The following SEC24D variants were observed in gnomAD, a reference collection of about 807,000 sequenced individuals.
The protein encoded by SEC24D is SEC24 homolog D, COPII component.
A neutral mutation model predicts 116.9 loss-of-function variants in SEC24D; 69 were observed. The observed-to-expected ratio is 0.59, with a 90% confidence interval of 0.49 to 0.72. The LOEUF is 0.72. SEC24D is among the 30% of genes least tolerant of loss of function. The probability of loss-of-function intolerance (pLI) is 0.00; values close to 1 mark genes in which losing one functional copy is unlikely to be tolerated. For missense variants in SEC24D, 1,131 were observed against 1,264.1 expected, an observed-to-expected ratio of 0.89 and a Z score of 1.60; for synonymous variants, 405 against 442.8, an observed-to-expected ratio of 0.91 and a Z score of 1.07.
intron 2 of SEC24D, 68 bp from the exon 3 acceptor site, chr4:118,824,817 G>A: frequency 7.1e-7 from 1 of 1,407,702 alleles, no homozygotes; most frequent in Non-Finnish European, 9.5e-7. Flanking sequence ...AAGTCATTAG[G>A]TTAAAAATGA....
At chr4:118,747,471 G>A (rs1255679778) in intron 13 of SEC24D, among the ~76,000 whole-genome samples, 2 of 151,768 alleles carry the variant, frequency 1.3e-5, no homozygotes, top group Non-Finnish European at 2.9e-5. Context: ...TCTCCATGTT[G>A]GTCAGGCTGG....
chr4:118,746,418 G>A (rs1726539521), intron 13 of SEC24D, among the ~76,000 whole-genome samples: 1 of 152,064 alleles, frequency 6.6e-6, no homozygotes, highest in African/African-American at 2.4e-5. Flanking sequence ...ACCTTGTTCA[G>A]CAGGTACTAC....
At position 118,723,461 on chromosome 4, in the gene SEC24D, C is replaced by A; in HGVS notation, c.*54G>T. ...TATTATCATCTAGAAAATTAGGCAC[C>A]AAGAAGGAGATTATCTCCTTGGAAA... On this transcript the variant is annotated 3_prime_UTR_variant, in exon 23 of 23. Transcript: ENST00000280551. The A allele has an allele frequency of 6.5e-7, 1 of 1,542,476 alleles. No homozygotes were observed. Among genetic ancestry groups the A allele is most frequent in the Non-Finnish European group, 8.8e-7 (1 of 1,138,778 alleles).
At position 118,752,996 on chromosome 4, in the gene SEC24D, G is replaced by A. The variant is rs1279950915; in HGVS notation, c.1422-108C>T. On this transcript the variant is annotated intron_variant, in intron 11 of 22. Transcript: ENST00000280551. ...TCTTCTATAAAATACATAAAAACAT[G>A]TTTAAAGTTTTTGTCTTACTTTCTG... 1.3e-5 allele frequency: 10 copies of A among 785,116 alleles called. No individual in the cohort carries two copies. The East Asian group carries it at 3.0e-4, about 24-fold the overall frequency. The allele number at this position is 785,116 out of a possible 1,614,324, so 48.6% of individuals were successfully genotyped here.
Position 118,752,735 on chromosome 4 carries a change from G to A in SEC24D, c.1575C>T (p.Phe525=). Residue 525 remains phenylalanine (F), a synonymous_variant, in exon 12 of 23, where the codon TTC becomes TTT. Coordinates refer to ENST00000280551, the MANE Select transcript of SEC24D (RefSeq NM_014822.4). ...ATTGGGATTCTTGATAGTTGACAAGGAAACCATCCAACAAAGGAACAAAGA... is the reference window on the plus strand; with the variant it reads ...ATTGGGATTCTTGATAGTTGACAAGAAAACCATCCAACAAAGGAACAAAGA... ...GEVFVPLLDG[F]LVNYQESQSV... is the part of the protein sequence containing the mutation. 1.2e-6 allele frequency: 2 copies of A among 1,608,768 alleles called. No individual in the cohort carries two copies. Among genetic ancestry groups the A allele is most frequent in the African/African-American group, 1.3e-5 (1 of 74,694 alleles).
intron 8 of SEC24D, 127 bp downstream of exon 8, chr4:118,797,556 G>T: frequency 1.3e-6 from 1 of 757,506 alleles, no homozygotes; most frequent in Non-Finnish European, 1.9e-6. Flanking sequence ...ATTACTAGAT[G>T]TTTTGCATTA....
intron 3 of SEC24D, among the ~76,000 whole-genome samples, chr4:118,818,615 T>A (rs1730252850): frequency 6.6e-6 from 1 of 152,196 alleles, no homozygotes; most frequent in Non-Finnish European, 1.5e-5. Context: ...GATAAATAGG[T>A]GAGTGATGAA....
At chr4:118,792,265 G>A (rs908987338) in intron 8 of SEC24D, among the ~76,000 whole-genome samples, 1 of 149,990 alleles carries the variant, frequency 6.7e-6, no homozygotes, top group African/African-American at 2.5e-5. Flanking sequence ...GCCCCGTCCG[G>A]GAGGTGGGGG....
At chr4:118,752,620 T>A in intron 12 of SEC24D, 77 bp downstream of exon 12, 1 of 967,216 alleles carries the variant, frequency 1.0e-6, no homozygotes, top group Non-Finnish European at 1.5e-6. Flanking sequence ...AAACAATGTA[T>A]GATTGAATCA....
intron 8 of SEC24D, among the ~76,000 whole-genome samples, chr4:118,789,745 A>G (rs1367565538): frequency 6.6e-6 from 1 of 151,950 alleles, no homozygotes; most frequent in African/African-American, 2.4e-5. Context: ...CCACCATGCC[A>G]GGCTAATTTT....
At chr4:118,756,877 T>C (rs1241317119) in intron 11 of SEC24D, among the ~76,000 whole-genome samples, 2 of 152,186 alleles carry the variant, frequency 1.3e-5, no homozygotes, top group South Asian at 2.1e-4. Flanking sequence ...AATAAAAGGA[T>C]AGTGTTAGTT....
chr4:118,737,198 C>T (rs1048917016), intron 19 of SEC24D, among the ~76,000 whole-genome samples: 1 of 152,170 alleles, frequency 6.6e-6, no homozygotes, highest in Non-Finnish European at 1.5e-5. Context: ...TTTGTGTAAC[C>T]TGAACTAGCA....
intron 11 of SEC24D, among the ~76,000 whole-genome samples, chr4:118,755,977 C>T (rs1727073917): frequency 6.6e-6 from 1 of 151,940 alleles, no homozygotes. Context: ...TATAATGACA[C>T]CAAAGGAAAG....
chr4:118,746,716 T>C (rs1726554483), intron 13 of SEC24D, among the ~76,000 whole-genome samples: 1 of 152,262 alleles, frequency 6.6e-6, no homozygotes, highest in South Asian at 2.1e-4. Context: ...CTGCAGCTGT[T>C]ATTTGCAAAG....
At chr4:118,751,109 ACTAG>A in intron 13 of SEC24D, among the ~76,000 whole-genome samples, 1 of 151,896 alleles carries the variant, frequency 6.6e-6, no homozygotes, top group African/African-American at 2.4e-5. Flanking sequence ...AATTTTAGAA[ACTAG>A]CTGTCAGGGC....
intron 3 of SEC24D, among the ~76,000 whole-genome samples, chr4:118,821,404 A>T (rs1560757050): frequency 6.6e-6 from 1 of 152,214 alleles, no homozygotes; most frequent in Non-Finnish European, 1.5e-5. Flanking sequence ...GATTTTATTT[A>T]ATATCCTACC....
At chr4:118,783,666 A>G (rs1728532551) in intron 8 of SEC24D, among the ~76,000 whole-genome samples, 1 of 152,232 alleles carries the variant, frequency 6.6e-6, no homozygotes, top group African/African-American at 2.4e-5. Flanking sequence ...GGTATATGAG[A>G]TGACTGAAAA....
intron 6 of SEC24D, among the ~76,000 whole-genome samples, chr4:118,809,917 T>C (rs116607127): frequency 0.044 from 6,652 of 152,260 alleles, 200 homozygotes; most frequent in Non-Finnish European, 0.064. Context: ...GGACATGAGC[T>C]GTGCCCTGCA....
intron 8 of SEC24D, among the ~76,000 whole-genome samples, chr4:118,792,725 T>C (rs1728982147): frequency 2.0e-5 from 3 of 152,046 alleles, no homozygotes; most frequent in Admixed American, 2.0e-4. Context: ...CACTCCCTAA[T>C]CTCAAGTACC....
Sources: allele counts gnomAD v4.1 joint callset (sites outside exome capture counted in the v4.1 genomes callset), GRCh38; gene constraint gnomAD v4.1.1; transcripts MANE v1.5; gene names NCBI Gene and HGNC (gene_info 2026-07-23, HGNC 2026-07-21).